Variants in WDR70 observed in about 807,000 individuals in gnomAD.
WDR70 encodes the protein WD repeat-containing protein 70.
A neutral mutation model predicts 88.6 loss-of-function variants in WDR70; 53 were observed. The ratio of observed to expected loss-of-function variants is 0.60; its 90% confidence interval spans 0.48 to 0.75. The LOEUF is 0.75. Ranked by LOEUF, WDR70 falls within the 30% of genes least tolerant of loss-of-function variation. The pLI is 0.00. For synonymous variants in WDR70, 280 were observed against 270.0 expected (o/e 1.04, Z -0.36); for missense variants, 610 against 823.2 (o/e 0.74, Z 3.17).
intron 9 of WDR70, among the ~76,000 whole-genome samples, chr5:37,517,369 A>ATTT (rs34483969): frequency 4.1e-5 from 6 of 147,166 alleles, no homozygotes; most frequent in Non-Finnish European, 7.5e-5. Context: ...TGGTTATTAA[A>ATTT]TTTTTTTTTT....
chr5:37,499,415 G>T (rs13189481), intron 8 of WDR70, among the ~76,000 whole-genome samples: 39,492 of 151,312 alleles, frequency 0.26, 5,736 homozygotes, highest in East Asian at 0.48. Context: ...CACCCGGCCT[G>T]TGTTTGTCTT....
At chr5:37,388,306 C>CG (rs1748690964) in intron 3 of WDR70, among the ~76,000 whole-genome samples, 1 of 150,890 alleles carries the variant, frequency 6.6e-6, no homozygotes, top group Non-Finnish European at 1.5e-5. Flanking sequence ...TTAGTAGAGA[C>CG]GGGGTTTCAC....
chr5:37,698,241 T>G (rs1322072440), intron 11 of WDR70, among the ~76,000 whole-genome samples: 1 of 152,214 alleles, frequency 6.6e-6, no homozygotes, highest in Non-Finnish European at 1.5e-5. Flanking sequence ...ATGATCATAT[T>G]GTAAGTTTAC....
intron 2 of WDR70, among the ~76,000 whole-genome samples, 167 bp downstream of exon 2, chr5:37,379,721 G>A (rs755733642): frequency 6.0e-4 from 89 of 148,574 alleles, no homozygotes; most frequent in Non-Finnish European, 8.1e-4. Flanking sequence ...TGCGTTATCC[G>A]TTGGAACCAA....
chr5:37,712,430 C>T (rs1012890191), intron 13 of WDR70, among the ~76,000 whole-genome samples: 2 of 152,196 alleles, frequency 1.3e-5, no homozygotes, highest in Non-Finnish European at 2.9e-5. Context: ...AGATTTACTG[C>T]AGATGCTTAA....
chr5:37,727,619 A>G (rs1013611467), intron 17 of WDR70, among the ~76,000 whole-genome samples: 1 of 152,156 alleles, frequency 6.6e-6, no homozygotes, highest in Non-Finnish European at 1.5e-5. Context: ...TCTGTTGCCC[A>G]TGCTGGAGTA....
intron 9 of WDR70, among the ~76,000 whole-genome samples, chr5:37,549,614 T>C (rs1307805209): frequency 6.6e-6 from 1 of 152,174 alleles, no homozygotes; most frequent in Non-Finnish European, 1.5e-5. Flanking sequence ...TATTTACAAT[T>C]TGGATGCCTT....
intron 13 of WDR70, among the ~76,000 whole-genome samples, chr5:37,707,634 G>A (rs940915508): frequency 6.6e-6 from 1 of 151,874 alleles, no homozygotes; most frequent in Non-Finnish European, 1.5e-5. Context: ...GATTGAAAAG[G>A]CCTGGCATGG....
intron 10 of WDR70, among the ~76,000 whole-genome samples, chr5:37,624,323 A>T (rs1040646940): frequency 6.6e-6 from 1 of 152,092 alleles, no homozygotes; most frequent in Non-Finnish European, 1.5e-5. Context: ...TTCGCAGCTT[A>T]TTTCACTTAC....
rs373104164 is a variant in WDR70 at position 37,516,930 on chromosome 5, C to G, written c.917+340C>G. On this transcript the variant is annotated intron_variant, in intron 9 of 17. Coordinates refer to ENST00000265107, the MANE Select transcript of WDR70 (RefSeq NM_018034.4). ...AGAGACGGGGTTTCATCATGTTGGT[C>G]AGGTTGGTCTCAAACTCCTGACCTC... Among the ~76,000 whole-genome samples the G allele has an allele frequency of 9.9e-5, 15 of 151,942 alleles. No individual in the cohort carries two copies. In the East Asian group the frequency reaches 2.9e-3, roughly 29 times the overall value.
intron 9 of WDR70, among the ~76,000 whole-genome samples, chr5:37,543,872 G>A (rs1741907517): frequency 6.6e-6 from 1 of 152,116 alleles, no homozygotes; most frequent in South Asian, 2.1e-4. Context: ...GGGTTCAGGC[G>A]ATTCTGCCAC....
At chr5:37,592,095 G>T (rs1581419293) in intron 9 of WDR70, among the ~76,000 whole-genome samples, 1 of 152,248 alleles carries the variant, frequency 6.6e-6, no homozygotes, top group Middle Eastern at 3.4e-3. Context: ...AAATGTCTGG[G>T]CTCAGAAGTG....
intron 8 of WDR70, 91 bp downstream of exon 8, chr5:37,480,078 G>A: frequency 6.8e-7 from 1 of 1,469,598 alleles, no homozygotes; most frequent in Non-Finnish European, 9.2e-7. Flanking sequence ...TTCCCCAAAA[G>A]TTAGTGTCAT....
intron 11 of WDR70, among the ~76,000 whole-genome samples, chr5:37,698,854 C>G (rs1373962227): frequency 1.3e-5 from 2 of 152,120 alleles, no homozygotes; most frequent in African/African-American, 4.8e-5. Context: ...ATTTGTATAA[C>G]TTTAAAAAAT....
intron 10 of WDR70, among the ~76,000 whole-genome samples, chr5:37,643,825 T>C (rs1745164754): frequency 1.3e-5 from 2 of 152,058 alleles, no homozygotes; most frequent in African/African-American, 2.4e-5. Context: ...GACTTTTGTA[T>C]GTTGATTTTG....
chr5:37,391,255 A>C (rs1330429472), intron 3 of WDR70, among the ~76,000 whole-genome samples: 1 of 152,150 alleles, frequency 6.6e-6, no homozygotes, highest in Non-Finnish European at 1.5e-5. Flanking sequence ...TAGGTTGATA[A>C]ATTTTTTTTC....
At chr5:37,421,262 C>T (rs948446085) in intron 5 of WDR70, among the ~76,000 whole-genome samples, 14 of 152,280 alleles carry the variant, frequency 9.2e-5, no homozygotes, top group Non-Finnish European at 1.5e-4. Flanking sequence ...AGGGTCATCT[C>T]GAATCTCTCC....
Position 37,406,382 on chromosome 5 carries a change from T to C in WDR70, c.492+9812T>C, listed in dbSNP as rs1749353226. 3.3e-5 allele frequency among the ~76,000 whole-genome samples: 5 copies of C among 152,192 alleles called. No homozygotes were observed. The South Asian group carries it at 1.0e-3, about 32-fold the overall frequency. ...TAAAGTCTCCCAGCTTCCATTCCAT[T>C]CTTGACTGGACTAGTATAGTAGAAA... On this transcript the variant is annotated intron_variant, in intron 5 of 17. Transcript: ENST00000265107.
chr5:37,615,363 A>G (rs1744306815), intron 10 of WDR70, among the ~76,000 whole-genome samples: 1 of 152,178 alleles, frequency 6.6e-6, no homozygotes, highest in Non-Finnish European at 1.5e-5. Flanking sequence ...ACACCAAGCC[A>G]TGCGTCATGA....
Sources: allele counts gnomAD v4.1 joint callset (sites outside exome capture counted in the v4.1 genomes callset), GRCh38; gene constraint gnomAD v4.1.1; transcripts MANE v1.5; gene names NCBI Gene and HGNC (gene_info 2026-07-23, HGNC 2026-07-21).